The following ACSS3 variants were observed in gnomAD, a reference collection of about 807,000 sequenced individuals.
The protein encoded by ACSS3 is acyl-CoA synthetase short-chain family member 3, mitochondrial.
ACSS3 carries 64 observed loss-of-function variants against 84.2 expected under a neutral mutation model. That is an observed-to-expected ratio of 0.76 (90% CI 0.62 to 0.94). The LOEUF (loss-of-function observed/expected upper bound fraction) is 0.94. ACSS3 is among the 40% of genes least tolerant of loss of function. The pLI, the probability that ACSS3 is intolerant of heterozygous loss-of-function variation, is 0.00. For missense variants in ACSS3, 815 were observed against 867.6 expected (o/e 0.94, Z 0.76); for synonymous variants, 317 against 310.1 (o/e 1.02, Z -0.23).
intron 8 of ACSS3, among the ~76,000 whole-genome samples, chr12:81,181,976 G>A (rs1593169383): frequency 6.6e-6 from 1 of 152,048 alleles, no homozygotes; most frequent in Non-Finnish European, 1.5e-5. Context: ...CAGAGAAAGG[G>A]ACTAACAGCT....
chr12:81,087,743 G>A (rs1448989969), intron 1 of ACSS3, among the ~76,000 whole-genome samples: 2 of 151,978 alleles, frequency 1.3e-5, no homozygotes, highest in African/African-American at 2.4e-5. Context: ...CCTAGACTGT[G>A]CCTTCCTCTA....
chr12:81,236,349 G>A (rs1018261254), intron 13 of ACSS3, among the ~76,000 whole-genome samples: 3 of 151,362 alleles, frequency 2.0e-5, no homozygotes, highest in Middle Eastern at 3.4e-3. Flanking sequence ...ACATTGATTC[G>A]TATAATTAAT....
At chr12:81,097,161 A>G (rs1882125278) in intron 1 of ACSS3, among the ~76,000 whole-genome samples, 2 of 152,154 alleles carry the variant, frequency 1.3e-5, no homozygotes, top group African/African-American at 4.8e-5. Flanking sequence ...GAGACATAGA[A>G]CATTTCCATT....
chr12:81,251,701 G>A (rs1386684471), intron 13 of ACSS3, among the ~76,000 whole-genome samples: 1 of 117,576 alleles, frequency 8.5e-6, no homozygotes, highest in African/African-American at 2.9e-5. Flanking sequence ...AATTTAGCCA[G>A]CCATGGTGGT....
intron 1 of ACSS3, among the ~76,000 whole-genome samples, chr12:81,085,593 T>G (rs565784835): frequency 3.3e-5 from 5 of 152,306 alleles, no homozygotes; most frequent in African/African-American, 1.2e-4. Flanking sequence ...GCCCAGAATC[T>G]TTTCCTCCAA....
chr12:81,085,622 C>T lies in ACSS3; in HGVS notation c.311+7191C>T, dbSNP rs79953381. ...CCTCCAAATATCAAGGGAACTGTTC[C>T]GAAGGCAGGTTGCCAAATCTTGGCC... On this transcript the variant is annotated intron_variant, in intron 1 of 15. Coordinates refer to ENST00000548058, the MANE Select transcript of ACSS3 (RefSeq NM_024560.4). Among the ~76,000 whole-genome samples the T allele has an allele frequency of 7.4e-4, 112 of 152,170 alleles. 1 individual carries two copies. The East Asian group carries it at 0.014, about 19-fold the overall frequency.
At chr12:81,199,245 C>T (rs1240639728) in intron 8 of ACSS3, 96 bp from the exon 9 acceptor site, 1 of 1,043,332 alleles carries the variant, frequency 9.6e-7, no homozygotes, top group African/African-American at 1.6e-5. Context: ...ATTCCTCTGA[C>T]ATAATGAGTG....
chr12:81,078,521 A>G (rs950896312), intron 1 of ACSS3, 90 bp downstream of exon 1: 9 of 1,417,994 alleles, frequency 6.3e-6, no homozygotes, highest in South Asian at 6.0e-5. Flanking sequence ...CTGGCATTCT[A>G]TCACGAAAGA....
chr12:81,154,733 CA>C (rs1245584135), intron 7 of ACSS3, among the ~76,000 whole-genome samples: 1 of 152,174 alleles, frequency 6.6e-6, no homozygotes, highest in Non-Finnish European at 1.5e-5. Flanking sequence ...TCATAAGTGA[CA>C]AAGTCAAAGG....
At chr12:81,096,362 C>CTA (rs1882044254) in intron 1 of ACSS3, among the ~76,000 whole-genome samples, 1 of 152,150 alleles carries the variant, frequency 6.6e-6, no homozygotes, top group Non-Finnish European at 1.5e-5. Context: ...CATTAATGAA[C>CTA]TAGCATGTGG....
At chr12:81,166,289 G>C (rs1887400060) in intron 7 of ACSS3, among the ~76,000 whole-genome samples, 1 of 152,186 alleles carries the variant, frequency 6.6e-6, no homozygotes, top group Non-Finnish European at 1.5e-5. Context: ...GATGTCTTCA[G>C]CTAGGACAAC....
chr12:81,204,088 G>A, intron 9 of ACSS3, among the ~76,000 whole-genome samples: 1 of 151,852 alleles, frequency 6.6e-6, no homozygotes, highest in East Asian at 1.9e-4. Flanking sequence ...CACAATTTTA[G>A]AAGGAAAGAA....
chr12:81,118,919 T>G (rs777302274), intron 2 of ACSS3, among the ~76,000 whole-genome samples: 17 of 152,186 alleles, frequency 1.1e-4, no homozygotes, highest in Non-Finnish European at 1.8e-4. Context: ...AACAAAGCTT[T>G]GTGCATTTGT....
At chr12:81,143,436 C>T in intron 5 of ACSS3, 189 bp downstream of exon 5, 1 of 416,650 alleles carries the variant, frequency 2.4e-6, no homozygotes, top group South Asian at 1.2e-4. Flanking sequence ...CACAGTTACT[C>T]CATATCTTAA....
chr12:81,154,730 T>C (rs1457705654), intron 7 of ACSS3, among the ~76,000 whole-genome samples: 1 of 152,204 alleles, frequency 6.6e-6, no homozygotes, highest in Non-Finnish European at 1.5e-5. Context: ...ACTTCATAAG[T>C]GACAAAGTCA....
At chr12:81,179,683 A>G (rs1028691951) in intron 8 of ACSS3, among the ~76,000 whole-genome samples, 9 of 150,212 alleles carry the variant, frequency 6.0e-5, no homozygotes, top group East Asian at 2.0e-4. Context: ...AGGCAGGAGA[A>G]TGGCGTGAAC....
At chr12:81,235,706 G>A (rs1039196193) in intron 13 of ACSS3, among the ~76,000 whole-genome samples, 3 of 151,276 alleles carry the variant, frequency 2.0e-5, no homozygotes, top group African/African-American at 7.3e-5. Context: ...GTTTTGTTAA[G>A]TTTATATTTA....
At chr12:81,224,316 A>G (rs982625906) in intron 11 of ACSS3, among the ~76,000 whole-genome samples, 6 of 151,896 alleles carry the variant, frequency 4.0e-5, no homozygotes, top group African/African-American at 1.4e-4. Context: ...ATAACTTTAG[A>G]AAAAGAGCTC....
intron 13 of ACSS3, 94 bp downstream of exon 13, chr12:81,233,565 C>CAAGTG: frequency 6.8e-7 from 1 of 1,467,004 alleles, no homozygotes; most frequent in South Asian, 1.3e-5. Flanking sequence ...GGAAAATTAC[C>CAAGTG]ACACCCTTCA....
Sources: gnomAD v4.1 joint callset for allele counts (sites outside exome capture counted in the v4.1 genomes callset) on GRCh38, gnomAD v4.1.1 for gene constraint, MANE v1.5 for transcripts, NCBI Gene and HGNC (gene_info 2026-07-23, HGNC 2026-07-21) for gene names.